Variants in FMN1 observed in about 807,000 individuals in gnomAD.
FMN1 encodes the protein formin-1.
In FMN1, 110 loss-of-function variants were observed where a neutral mutation model predicts 132.4. That is an observed-to-expected ratio of 0.83 (90% CI 0.71 to 0.97). The LOEUF is 0.97. FMN1 is among the 50% of genes least tolerant of loss of function. FMN1 has a pLI of 0.00. For synonymous variants in FMN1, 722 were observed against 651.7 expected (o/e 1.11, Z -1.64); for missense variants, 1,792 against 1,705.3 (o/e 1.05, Z -0.90).
intron 7 of FMN1, among the ~76,000 whole-genome samples, chr15:33,004,127 G>A (rs1230991465): frequency 6.6e-6 from 1 of 152,100 alleles, no homozygotes; most frequent in Non-Finnish European, 1.5e-5. Context: ...TCAGGACATA[G>A]GCATGGGCAA....
At chr15:33,146,172 T>C (rs1964212381) in intron 4 of FMN1, among the ~76,000 whole-genome samples, 1 of 152,058 alleles carries the variant, frequency 6.6e-6, no homozygotes, top group Admixed American at 6.5e-5. Context: ...CCTCACTCAC[T>C]TGCTTAGCGT....
intron 6 of FMN1, among the ~76,000 whole-genome samples, chr15:33,022,649 G>C (rs569347326): frequency 1.3e-5 from 2 of 152,276 alleles, no homozygotes; most frequent in Non-Finnish European, 2.9e-5. Context: ...AATAGAAATG[G>C]GACAAACCAG....
intron 3 of FMN1, among the ~76,000 whole-genome samples, chr15:33,158,004 A>G (rs78180426): frequency 7.9e-6 from 1 of 126,200 alleles, no homozygotes; most frequent in East Asian, 2.2e-4. Flanking sequence ...AAAAAAAAAA[A>G]AAAAAAGAAA....
At chr15:33,066,478 T>C in intron 5 of FMN1, 1 of 1,449,334 alleles carries the variant, frequency 6.9e-7, no homozygotes, top group Non-Finnish European at 9.2e-7. Context: ...GCACCATATT[T>C]TATGTTAAAA....
chr15:32,890,237 G>A (rs1036479497), intron 15 of FMN1, among the ~76,000 whole-genome samples: 1 of 152,166 alleles, frequency 6.6e-6, no homozygotes, highest in Non-Finnish European at 1.5e-5. Context: ...AAACATGCAC[G>A]TGCAAGTATC....
At chr15:33,189,982 G>A (rs1299310606) in intron 2 of FMN1, among the ~76,000 whole-genome samples, 4 of 152,076 alleles carry the variant, frequency 2.6e-5, no homozygotes, top group Admixed American at 6.6e-5. Context: ...ATGTGCTTTC[G>A]GTCAGTGAAG....
chr15:33,019,403 T>A (rs984337716), intron 6 of FMN1, among the ~76,000 whole-genome samples: 3 of 152,118 alleles, frequency 2.0e-5, no homozygotes, highest in Non-Finnish European at 2.9e-5. Flanking sequence ...CCCACCAGAC[T>A]CAGGAGCCCA....
intron 17 of FMN1, among the ~76,000 whole-genome samples, chr15:32,855,842 A>AT (rs1055544170): frequency 6.6e-6 from 1 of 152,188 alleles, no homozygotes; most frequent in Non-Finnish European, 1.5e-5. Flanking sequence ...ACAGCAATGC[A>AT]TTTTTTGATA....
intron 19 of FMN1, among the ~76,000 whole-genome samples, chr15:32,779,962 C>T (rs1420891962): frequency 6.6e-6 from 1 of 152,156 alleles, no homozygotes; most frequent in Non-Finnish European, 1.5e-5. Context: ...AGTGAATAGT[C>T]CATCTGTGAT....
At chr15:33,045,427 G>T (rs757168367) in intron 6 of FMN1, among the ~76,000 whole-genome samples, 30 of 152,178 alleles carry the variant, frequency 2.0e-4, no homozygotes, top group Admixed American at 1.0e-3. Flanking sequence ...GAGGTTTCTG[G>T]CTGTTAAGAA....
chr15:32,798,869 C>A lies in FMN1; in HGVS notation c.4065G>T (p.Trp1355Cys), dbSNP rs765125534. ...TCTTGAAGTCACTGCAGAACTCATA[C>A]CACACCATAAACACGTAGCTGGGTG... ...EITPSYVFMV[W>C]YEFCSDFKTI... The change falls in exon 19 of 21, where the codon TGG becomes TGT. Residue 1355 changes from tryptophan (W) to cysteine (C), a missense_variant. Around this residue, in one of 3 missense-constraint regions of FMN1, gnomAD observed 1,150 missense variants for 1,043.1 expected, o/e 1.10. Coordinates refer to ENST00000616417, the MANE Select transcript of FMN1 (RefSeq NM_001277313.2). The A allele has an allele frequency of 1.2e-6, 2 of 1,613,606 alleles. No individual in the cohort carries two copies. The highest frequency in any genetic ancestry group is 1.1e-5 in the South Asian group (1 of 91,018).
intron 9 of FMN1, among the ~76,000 whole-genome samples, chr15:32,956,702 G>A (rs1247034883): frequency 6.6e-6 from 1 of 152,136 alleles, no homozygotes; most frequent in African/African-American, 2.4e-5. Flanking sequence ...AAAACGTAAA[G>A]GGGTAGACAA....
At chr15:32,967,693 G>A (rs1359865476) in intron 8 of FMN1, among the ~76,000 whole-genome samples, 2 of 152,128 alleles carry the variant, frequency 1.3e-5, no homozygotes, top group Admixed American at 6.5e-5. Flanking sequence ...AGAGGAAAGG[G>A]GAAAATATGA....
chr15:33,004,233 A>C (rs1421514535), intron 7 of FMN1, among the ~76,000 whole-genome samples: 1 of 152,238 alleles, frequency 6.6e-6, no homozygotes, highest in Non-Finnish European at 1.5e-5. Flanking sequence ...AAGCAAAAGA[A>C]ACCACCATCA....
chr15:32,932,861 A>T (rs1258770276), intron 9 of FMN1, among the ~76,000 whole-genome samples: 1 of 151,868 alleles, frequency 6.6e-6, no homozygotes, highest in Non-Finnish European at 1.5e-5. Flanking sequence ...CTCATTTTGT[A>T]TATACTTGTG....
At chr15:33,071,311 C>T (rs1170824481) in intron 5 of FMN1, among the ~76,000 whole-genome samples, 1 of 152,202 alleles carries the variant, frequency 6.6e-6, no homozygotes, top group Admixed American at 6.5e-5. Context: ...GCTGGCCTAT[C>T]TATCTAACAC....
chr15:33,052,632 G>C (rs1478790095), intron 6 of FMN1, among the ~76,000 whole-genome samples: 1 of 152,152 alleles, frequency 6.6e-6, no homozygotes, highest in African/African-American at 2.4e-5. Flanking sequence ...GATAGTGACA[G>C]GAGGCAGCCA....
At chr15:33,112,921 C>G (rs986160666) in intron 4 of FMN1, among the ~76,000 whole-genome samples, 1 of 152,302 alleles carries the variant, frequency 6.6e-6, no homozygotes, top group East Asian at 1.9e-4. Flanking sequence ...CTGCCCTAGG[C>G]AGTCCTGGTG....
chr15:33,189,807 A>G (rs1471046797), intron 2 of FMN1, among the ~76,000 whole-genome samples: 1 of 152,234 alleles, frequency 6.6e-6, no homozygotes, highest in African/African-American at 2.4e-5. Context: ...TAAGCCAAGG[A>G]TGGACACAGA....
Sources: allele counts gnomAD v4.1 joint callset (sites outside exome capture counted in the v4.1 genomes callset), GRCh38; gene constraint gnomAD v4.1.1; regional missense constraint gnomAD v4.1.1; transcripts MANE v1.5; gene names NCBI Gene and HGNC (gene_info 2026-07-23, HGNC 2026-07-21).